The following PMPCA variants were observed in gnomAD, a reference collection of about 807,000 sequenced individuals.
PMPCA encodes the protein mitochondrial-processing peptidase subunit alpha.
In PMPCA, 47 loss-of-function variants were observed where a neutral mutation model predicts 59.3. That is an observed-to-expected ratio of 0.79 (90% CI 0.63 to 1.01). The LOEUF is 1.01. PMPCA is among the 50% of genes least tolerant of loss of function. The pLI, the probability that PMPCA is intolerant of heterozygous loss-of-function variation, is 0.00. For missense variants in PMPCA, 726 were observed against 704.5 expected (o/e 1.03, Z -0.34); for synonymous variants, 338 against 290.3 (o/e 1.16, Z -1.67).
rs748773023 is a variant in PMPCA, at chr9:136,414,568, T to C, written c.453T>C (p.Tyr151=). 2 of 1,610,488 alleles carry C rather than the reference T, an allele frequency of 1.2e-6. No homozygotes were observed. The highest frequency in any genetic ancestry group is 1.7e-6 in the Non-Finnish European group (2 of 1,176,694). Residue 151 remains tyrosine, a synonymous_variant, in exon 5 of 13, where the codon TAT becomes TAC. Transcript: ENST00000371717. The stretch of plus-strand genomic sequence containing the variant: ...TTTCTTCCAGAGACACCACCATGTA[T>C]GCTGTGTCTGCTGATAGCAAAGGCT... ...DCQTSRDTTM[Y]AVSADSKGLD... is the part of the protein sequence containing the mutation.
At position 136,419,444 on chromosome 9, in the gene PMPCA, G is replaced by A. The variant is rs1588819952; in HGVS notation, c.1263+338G>A. ...CTCTCAGCTTTGCTGGCGAAACGCT[G>A]CAGGAGTTTTTGTGTCCTTCTCAGC... On this transcript the variant is annotated intron_variant, in intron 11 of 12. Coordinates refer to ENST00000371717, the MANE Select transcript of PMPCA (RefSeq NM_015160.3). 4 of 453,052 alleles carry A rather than the reference G, an allele frequency of 8.8e-6. No homozygotes were observed. The East Asian group carries it at 1.3e-4, about 14-fold the overall frequency. 28.1% of individuals were successfully genotyped at this position (453,052 alleles called of 1,614,324 possible).
intron 6 of PMPCA, 162 bp downstream of exon 6, chr9:136,416,553 G>A (rs768135628): frequency 2.8e-5 from 19 of 683,054 alleles, no homozygotes; most frequent in South Asian, 1.6e-4. Flanking sequence ...CATTGCCTAC[G>A]CTGGTCTTGC....
chr9:136,422,633 G>C (rs539556042), intron 12 of PMPCA: 2 of 1,008,162 alleles, frequency 2.0e-6, no homozygotes, highest in East Asian at 2.0e-4. Flanking sequence ...CCTCAAGCGA[G>C]TGTCCAGCCT....
chr9:136,418,520 G>C, intron 8 of PMPCA, 35 bp from the exon 9 acceptor site: 1 of 1,330,426 alleles, frequency 7.5e-7, no homozygotes, highest in African/African-American at 1.4e-5. Flanking sequence ...ACGTGGCGTG[G>C]GTGGTTCAGC....
chr9:136,410,873 G>A, intron 1 of PMPCA, 134 bp downstream of exon 1: 5 of 672,980 alleles, frequency 7.4e-6, no homozygotes, highest in African/African-American at 1.9e-5. Context: ...TGGTGTCCCC[G>A]AGGCGACGGG....
chr9:136,415,843 G>A (rs1180265128), intron 5 of PMPCA, among the ~76,000 whole-genome samples: 1 of 152,206 alleles, frequency 6.6e-6, no homozygotes, highest in African/African-American at 2.4e-5. Context: ...GTGCTGGCCA[G>A]GCTGGTCTTG....
Position 136,423,267 on chromosome 9 carries a change from C to T in PMPCA, c.*3C>T, listed in dbSNP as rs781170167. Reference sequence around the variant, plus strand: ...GGACGTACCGGCTCTTCCGGTAGAACCGCTCCCCGGCCTGACAGACCCAGG... The same window carrying T: ...GGACGTACCGGCTCTTCCGGTAGAATCGCTCCCCGGCCTGACAGACCCAGG... On this transcript the variant is annotated 3_prime_UTR_variant, in exon 13 of 13. Coordinates refer to ENST00000371717, the MANE Select transcript of PMPCA (RefSeq NM_015160.3). The T allele has an allele frequency of 1.2e-6, 2 of 1,609,656 alleles. No homozygotes were observed. Among genetic ancestry groups the T allele is most frequent in the South Asian group, 1.1e-5 (1 of 91,024 alleles).
At position 136,416,312 on chromosome 9, in the gene PMPCA, G is replaced by A. The variant is rs573267388; in HGVS notation, c.554G>A (p.Arg185Gln). 143 of 1,613,728 alleles carry A rather than the reference G, an allele frequency of 8.9e-5. No individual in the cohort carries two copies. Among genetic ancestry groups the A allele is most frequent in the South Asian group, 6.6e-4 (60 of 91,054 alleles). Residue 185 changes from arginine (R) to glutamine (Q), a missense_variant, in exon 6 of 13, where the codon CGG becomes CAG. Physicochemically the swap from Arg to Gln is conservative, Grantham distance 43 (BLOSUM62 1). Coordinates refer to ENST00000371717, the MANE Select transcript of PMPCA (RefSeq NM_015160.3). ...RLTDEEVEMT[R>Q]MAVQFELEDL... ...GCAGATGAAGAAGTCGAGATGACGC[G>A]GATGGCGGTCCAGTTTGAGCTGGAG... is the stretch of plus-strand genomic sequence containing the variant.
chr9:136,419,313 T>A, intron 11 of PMPCA: 3 of 633,942 alleles, frequency 4.7e-6, no homozygotes, highest in Non-Finnish European at 8.5e-6. Flanking sequence ...TCTTCCCTGG[T>A]CCAAACCCCG....
In PMPCA at chr9:136,412,481, T is replaced by C; in HGVS notation, c.275-9T>C. 7.3e-7 allele frequency: 1 copy of C among 1,374,464 alleles called. No individual in the cohort carries two copies. The highest frequency in any genetic ancestry group is 1.4e-5 in the African/African-American group (1 of 69,206). The allele number at this position is 1,374,464 out of a possible 1,614,324, so 85.1% of individuals were successfully genotyped here. On this transcript the variant is annotated splice_polypyrimidine_tract_variant and intron_variant, in intron 2 of 12. Transcript: ENST00000371717. ...TGATGTAACCTGTCAATTTTCTTTTTACTACTAGTTCTTATCAATTCAGGA... is the reference window on the plus strand; with the variant it reads ...TGATGTAACCTGTCAATTTTCTTTTCACTACTAGTTCTTATCAATTCAGGA...
rs1472486098 is a variant in PMPCA, at chr9:136,416,318, C to T, written c.560C>T (p.Ala187Val). Residue 187 changes from alanine (A) to valine (V), a missense_variant, in exon 6 of 13, where the codon GCG (alanine) becomes GTG (valine). Coordinates refer to ENST00000371717, the MANE Select transcript of PMPCA (RefSeq NM_015160.3). ...GAAGAAGTCGAGATGACGCGGATGG[C>T]GGTCCAGTTTGAGCTGGAGGACCTG... The part of the protein sequence containing the change: ...TDEEVEMTRM[A>V]VQFELEDLNL... 79 of 1,613,462 alleles carry T rather than the reference C, an allele frequency of 4.9e-5. No individual in the cohort carries two copies. The highest frequency in any genetic ancestry group is 5.8e-5 in the Non-Finnish European group (69 of 1,179,646).
chr9:136,422,006 C>T (rs1354700769), intron 12 of PMPCA, 30 bp downstream of exon 12: 3 of 1,584,852 alleles, frequency 1.9e-6, no homozygotes, highest in Non-Finnish European at 2.6e-6. Flanking sequence ...TGAGGGGCTG[C>T]CGCAGGCCTC....
intron 12 of PMPCA, 149 bp downstream of exon 12, chr9:136,422,125 C>T (rs748662829): frequency 1.7e-5 from 26 of 1,543,332 alleles, no homozygotes; most frequent in South Asian, 1.4e-4. Flanking sequence ...TCAGCAGGGG[C>T]GGCCAAGGGC....
intron 1 of PMPCA, 47 bp from the exon 2 acceptor site, chr9:136,411,950 T>G: frequency 8.8e-7 from 1 of 1,130,476 alleles, no homozygotes; most frequent in African/African-American, 1.5e-5. Context: ...TCATCACAGG[T>G]TTGTTGTCTC....
chr9:136,423,528 G>A lies in PMPCA; in HGVS notation c.*264G>A, dbSNP rs551695369. 2.3e-5 allele frequency: 10 copies of A among 426,330 alleles called. No homozygotes were observed. In the Admixed American group the frequency reaches 2.9e-4, roughly 12 times the overall value. 26.4% of individuals were successfully genotyped at this position (426,330 alleles called of 1,614,324 possible). ...GCAGCGTGCCACGAGGAGGGCGGTC[G>A]GTGCTTCCCTCCTCGGGCTGTGGGC... On this transcript the variant is annotated 3_prime_UTR_variant, in exon 13 of 13. Coordinates refer to ENST00000371717, the MANE Select transcript of PMPCA (RefSeq NM_015160.3).
Position 136,417,112 on chromosome 9 carries a change from C to T in PMPCA, c.795C>T (p.Asp265=). 1.2e-6 allele frequency: 2 copies of T among 1,613,872 alleles called. No individual in the cohort carries two copies. The highest frequency in any genetic ancestry group is 8.5e-7 in the Non-Finnish European group (1 of 1,179,994). ...GVGVEHEHLV[D]CARKYLLGVQ... is the part of the protein sequence containing the mutation. ...GCGTGGAGCACGAGCATCTGGTGGA[C>T]TGTGCCCGGAAGTACCTCCTGGGGG... Residue 265 remains aspartate, a synonymous_variant, in exon 7 of 13, where the codon GAC becomes GAT. Coordinates refer to ENST00000371717, the MANE Select transcript of PMPCA (RefSeq NM_015160.3).
chr9:136,422,713 G>A, intron 12 of PMPCA: 1 of 1,053,256 alleles, frequency 9.5e-7, no homozygotes, highest in Non-Finnish European at 1.1e-6. Flanking sequence ...GGGGTTCCTG[G>A]GTGCAGCCCT....
intron 6 of PMPCA, 74 bp from the exon 7 acceptor site, chr9:136,416,877 G>A (rs986298755): frequency 1.0e-5 from 15 of 1,431,762 alleles, no homozygotes; most frequent in East Asian, 4.6e-5. Context: ...GCAGATGGGC[G>A]CTGGTGCTGC....
intron 12 of PMPCA, chr9:136,422,541 C>G: frequency 2.0e-6 from 2 of 1,015,814 alleles, no homozygotes; most frequent in Non-Finnish European, 2.4e-6. Context: ...CTGTGGGCAT[C>G]TCCTTTCCAG....
Sources: allele counts gnomAD v4.1 joint callset (sites outside exome capture counted in the v4.1 genomes callset), GRCh38; gene constraint gnomAD v4.1.1; transcripts MANE v1.5; gene names NCBI Gene and HGNC (gene_info 2026-07-23, HGNC 2026-07-21).